Variants in PPM1D observed in about 807,000 individuals in gnomAD.
PPM1D encodes protein phosphatase, Mg2+/Mn2+ dependent 1D.
In PPM1D, 52 loss-of-function variants were observed where a neutral mutation model predicts 58.3. The observed-to-expected ratio is 0.89, with a 90% CI of 0.71 to 1.12. The LOEUF (loss-of-function observed/expected upper bound fraction) is 1.12. Ranked by LOEUF, PPM1D falls within the 50% of genes most tolerant of loss-of-function variation. The pLI is 0.00. For missense variants in PPM1D, 564 were observed against 777.2 expected, an observed-to-expected ratio of 0.73 and a Z score of 3.26; for synonymous variants, 278 against 285.1, an observed-to-expected ratio of 0.98 and a Z score of 0.25.
intron 1 of PPM1D, among the ~76,000 whole-genome samples, chr17:60,617,631 A>T (rs1033929653): frequency 6.6e-6 from 1 of 152,158 alleles, no homozygotes; most frequent in Non-Finnish European, 1.5e-5. Flanking sequence ...CTGAAGAAAC[A>T]TACAGTATAC....
Position 60,623,792 on chromosome 17 carries a change from A to C in PPM1D, c.701+43A>C, listed in dbSNP as rs373274374. ...TCTCTTTCCTCTTTTGGTTCTATTT[A>C]GTCCTTTTATGCTTTACTAATGAAA... On this transcript the variant is annotated intron_variant, in intron 2 of 5. Coordinates refer to ENST00000305921, the MANE Select transcript of PPM1D (RefSeq NM_003620.4). The C allele has an allele frequency of 1.9e-6, 3 of 1,578,492 alleles. No homozygotes were observed. In the African/African-American group the frequency reaches 4.0e-5, roughly 21 times the overall value.
chr17:60,636,559 G>A (rs1398004398), intron 3 of PPM1D, among the ~76,000 whole-genome samples: 1 of 152,180 alleles, frequency 6.6e-6, no homozygotes, highest in Non-Finnish European at 1.5e-5. Context: ...AAATGGGATG[G>A]TCAGAGGAGG....
intron 4 of PPM1D, among the ~76,000 whole-genome samples, chr17:60,654,495 C>A (rs1374124805): frequency 7.0e-6 from 1 of 143,096 alleles, no homozygotes; most frequent in Non-Finnish European, 1.5e-5. Context: ...CAGAGTGAGA[C>A]CCTGTCTCAA....
chr17:60,624,473 A>C (rs1391244722), intron 2 of PPM1D, among the ~76,000 whole-genome samples: 4 of 152,124 alleles, frequency 2.6e-5, no homozygotes, highest in Non-Finnish European at 5.9e-5. Context: ...TTTTGCAGAG[A>C]AACGACAAAC....
In PPM1D at chr17:60,628,621, A is replaced by G. The variant is rs142021861; in HGVS notation, c.701+4872A>G. Reference sequence around the variant, plus strand: ...ACCATATAGTATGTAGCCCCTATGCATGACTTTTTAATATATGCATTTATT... The same window carrying G: ...ACCATATAGTATGTAGCCCCTATGCGTGACTTTTTAATATATGCATTTATT... On this transcript the variant is annotated intron_variant, in intron 2 of 5. Transcript: ENST00000305921. 3.5e-3 allele frequency among the ~76,000 whole-genome samples: 535 copies of G among 152,296 alleles called. 8 individuals are homozygous for G. In the South Asian group the frequency reaches 0.036, roughly 10 times the overall value.
At chr17:60,644,789 C>CT (rs1407687256) in intron 3 of PPM1D, among the ~76,000 whole-genome samples, 1 of 152,158 alleles carries the variant, frequency 6.6e-6, no homozygotes, top group East Asian at 1.9e-4. Flanking sequence ...CATACACAGT[C>CT]TATCATATTT....
intron 1 of PPM1D, among the ~76,000 whole-genome samples, chr17:60,606,950 G>T (rs114662659): frequency 1.6e-3 from 249 of 151,246 alleles, no homozygotes; most frequent in African/African-American, 4.2e-3. Context: ...GCATGTGCCT[G>T]CAAAGTAGCT....
At chr17:60,622,472 G>A (rs145865651) in intron 1 of PPM1D, among the ~76,000 whole-genome samples, 1 of 152,088 alleles carries the variant, frequency 6.6e-6, no homozygotes, top group Non-Finnish European at 1.5e-5. Flanking sequence ...GTTGCAGTTT[G>A]TTTAGTGTTA....
At chr17:60,630,919 G>T (rs1353035441) in intron 2 of PPM1D, among the ~76,000 whole-genome samples, 2 of 152,164 alleles carry the variant, frequency 1.3e-5, no homozygotes, top group African/African-American at 4.8e-5. Flanking sequence ...TCTTGTGAAT[G>T]GCAAGTTTAG....
At chr17:60,648,758 CTT>C (rs952896125) in intron 4 of PPM1D, among the ~76,000 whole-genome samples, 4 of 134,396 alleles carry the variant, frequency 3.0e-5, no homozygotes, top group Admixed American at 7.6e-5. Context: ...ACCACTACTA[CTT>C]TTTTTTTTTT....
chr17:60,662,269 T>A (rs983929955), intron 5 of PPM1D: 2 of 152,186 alleles, frequency 1.3e-5, no homozygotes, highest in Non-Finnish European at 2.9e-5. Flanking sequence ...AGTGCTGGGA[T>A]TACAGGGGTT....
intron 1 of PPM1D, among the ~76,000 whole-genome samples, chr17:60,605,832 G>A (rs997154106): frequency 1.1e-4 from 17 of 152,322 alleles, no homozygotes; most frequent in Non-Finnish European, 1.6e-4. Context: ...TTGAACCTGG[G>A]AGGCAGAGGT....
At position 60,665,813 on chromosome 17, in the gene PPM1D, T is replaced by G. The variant is rs144203427; in HGVS notation, c.*2261T>G. 1.3e-5 allele frequency: 2 copies of G among 152,324 alleles called. No individual in the cohort carries two copies. The highest frequency in any genetic ancestry group is 3.9e-4 in the East Asian group (2 of 5,184). The allele number at this position is 152,324 out of a possible 1,614,324, so 9.4% of individuals were successfully genotyped here. A position where few individuals can be genotyped will look rare whatever the true frequency, so the allele number is the denominator to read the frequency against. On this transcript the variant is annotated 3_prime_UTR_variant, in exon 6 of 6. Transcript: ENST00000305921. ...ATCTGCTTCCCGCAAGACTCACAGCTGTTGGCAGGAGACCTCAGTTTGTTG... is the reference window on the plus strand; with the variant it reads ...ATCTGCTTCCCGCAAGACTCACAGCGGTTGGCAGGAGACCTCAGTTTGTTG...
At chr17:60,612,889 C>T (rs906839471) in intron 1 of PPM1D, among the ~76,000 whole-genome samples, 1 of 152,008 alleles carries the variant, frequency 6.6e-6, no homozygotes, top group Non-Finnish European at 1.5e-5. Context: ...ATTTACCACC[C>T]CTTCTTCTTT....
At chr17:60,659,026 G>C (rs1036912734) in intron 5 of PPM1D, among the ~76,000 whole-genome samples, 1 of 152,158 alleles carries the variant, frequency 6.6e-6, no homozygotes, top group African/African-American at 2.4e-5. Flanking sequence ...ATAAGAAGAC[G>C]TATGTTTGCC....
chr17:60,652,215 A>G (rs925872796), intron 4 of PPM1D, among the ~76,000 whole-genome samples: 2 of 152,000 alleles, frequency 1.3e-5, no homozygotes, highest in Non-Finnish European at 2.9e-5. Context: ...CTACTCTTTT[A>G]GCTGCCACAT....
intron 4 of PPM1D, among the ~76,000 whole-genome samples, chr17:60,655,909 G>T (rs1450771712): frequency 6.6e-6 from 1 of 150,550 alleles, no homozygotes; most frequent in Non-Finnish European, 1.5e-5. Context: ...CACCATGTTA[G>T]CGAGGATGGT....
chr17:60,642,264 T>A (rs1171076527), intron 3 of PPM1D, among the ~76,000 whole-genome samples: 1 of 150,260 alleles, frequency 6.7e-6, no homozygotes, highest in East Asian at 1.9e-4. Context: ...TCAAAACAAA[T>A]TATAACAGGA....
At position 60,665,601 on chromosome 17, in the gene PPM1D, G is replaced by T. The variant is rs961899591; in HGVS notation, c.*2049G>T. The T allele has an allele frequency of 6.6e-6, 1 of 152,202 alleles. No individual in the cohort carries two copies. The highest frequency in any genetic ancestry group is 1.5e-5 in the Non-Finnish European group (1 of 68,040). The allele number at this position is 152,202 out of a possible 1,614,324, so 9.4% of individuals were successfully genotyped here. ...TGATCGGTGTGTCTTATGCCACAAG[G>T]ATTAAAATATGTATTCATTGCTACA... On this transcript the variant is annotated 3_prime_UTR_variant, in exon 6 of 6. Coordinates refer to ENST00000305921, the MANE Select transcript of PPM1D (RefSeq NM_003620.4).
Sources: allele counts gnomAD v4.1 joint callset (sites outside exome capture counted in the v4.1 genomes callset), GRCh38; gene constraint gnomAD v4.1.1; transcripts MANE v1.5; gene names NCBI Gene and HGNC (gene_info 2026-07-23, HGNC 2026-07-21).